Variants in PTPN14 observed in about 807,000 individuals in gnomAD.
PTPN14 encodes the protein tyrosine-protein phosphatase non-receptor type 14.
PTPN14 carries 53 observed loss-of-function variants against 126.8 expected under a neutral mutation model. The observed-to-expected ratio is 0.42, with a 90% CI of 0.34 to 0.53. PTPN14 has a LOEUF of 0.53. PTPN14 is among the 20% of genes least tolerant of loss of function. The pLI, the probability that PTPN14 is intolerant of heterozygous loss-of-function variation, is 0.08. For synonymous variants in PTPN14, 630 were observed against 599.3 expected, an observed-to-expected ratio of 1.05 and a Z score of -0.75; for missense variants, 1,257 against 1,552.9, an observed-to-expected ratio of 0.81 and a Z score of 3.20.
Position 214,383,856 on chromosome 1 carries a change from G to A in PTPN14, c.1999C>T (p.Arg667Cys), listed in dbSNP as rs200868628. 3.1e-6 allele frequency: 5 copies of A among 1,612,716 alleles called. No individual in the cohort carries two copies. The highest frequency in any genetic ancestry group is 4.5e-5 in the East Asian group (2 of 44,866). The change falls in exon 13 of 19, where the codon CGC becomes TGC. Residue 667 changes from arginine to cysteine, a missense_variant. Arg to Cys is a radical substitution (Grantham distance 180). Transcript: ENST00000366956. The surrounding 1 kb of genome is among the most constrained non-coding windows in gnomAD (Gnocchi z 4.4). ...TLKSLHLPMA[R>C]RNTLREQGPP... is the part of the protein sequence containing the mutation. ...CCCTGCTCCCGGAGCGTGTTGCGGC[G>A]AGCCATGGGGAGGTGGAGCGACTTG... is the stretch of plus-strand genomic sequence containing the variant.
At chr1:214,365,583 G>A (rs1201507906) in intron 17 of PTPN14, among the ~76,000 whole-genome samples, 1 of 152,120 alleles carries the variant, frequency 6.6e-6, no homozygotes, top group Non-Finnish European at 1.5e-5. Flanking sequence ...TAAGGCAAAA[G>A]TGTAAACCAG....
chr1:214,522,562 G>C (rs1655286824), intron 1 of PTPN14, among the ~76,000 whole-genome samples: 2 of 152,298 alleles, frequency 1.3e-5, no homozygotes, highest in South Asian at 4.1e-4. Context: ...ATCAGGTTCT[G>C]AAACAAATTC....
rs1249435685 is a variant in PTPN14 at position 214,349,421 on chromosome 1, C to T, written c.*8501G>A. 2 of 152,266 alleles carry T rather than the reference C, an allele frequency of 1.3e-5. No homozygotes were observed. The highest frequency in any genetic ancestry group is 4.8e-5 in the African/African-American group (2 of 41,540). 9.4% of individuals were successfully genotyped at this position (152,266 alleles called of 1,614,324 possible). A position where few individuals can be genotyped will look rare whatever the true frequency, so the allele number is the denominator to read the frequency against. ...CTAAGTTGGGGACTTGTCTGTACAT[C>T]GTTTCAAAATGAAACCTAATAAATG... On this transcript the variant is annotated 3_prime_UTR_variant, in exon 19 of 19. Coordinates refer to ENST00000366956, the MANE Select transcript of PTPN14 (RefSeq NM_005401.5).
At chr1:214,403,139 C>G (rs4636427) in intron 5 of PTPN14, among the ~76,000 whole-genome samples, 186 bp from the exon 6 acceptor site, 114 of 152,148 alleles carry the variant, frequency 7.5e-4, no homozygotes, top group African/African-American at 2.7e-3. Context: ...TGTTATAACA[C>G]GGCTCTCCAT....
At chr1:214,387,649 G>C (rs1195763058) in intron 11 of PTPN14, among the ~76,000 whole-genome samples, 1 of 146,426 alleles carries the variant, frequency 6.8e-6, no homozygotes, top group African/African-American at 2.5e-5. Context: ...CCGCACTCCA[G>C]CCTGGCGACA....
chr1:214,391,166 C>T (rs566029713), intron 10 of PTPN14, 121 bp from the exon 11 acceptor site: 38 of 588,954 alleles, frequency 6.5e-5, no homozygotes, highest in Admixed American at 3.6e-4. Context: ...AAAACATAAA[C>T]GTGGCTTATT....
intron 1 of PTPN14, among the ~76,000 whole-genome samples, chr1:214,497,579 T>C (rs1183293875): frequency 1.3e-5 from 2 of 152,082 alleles, no homozygotes; most frequent in South Asian, 2.1e-4. Flanking sequence ...TTATTTATAA[T>C]ACAGAAAACA....
rs944524574 is a variant in PTPN14, at chr1:214,387,033, G to A, written c.988-111C>T. On this transcript the variant is annotated intron_variant, in intron 11 of 18. Transcript: ENST00000366956. ...CCGCCACGTTGTAAGGGAGGCTCGT[G>A]GCAGCTGCTGTCCCTGCCACCCCTT... 6 of 927,074 alleles carry A rather than the reference G, an allele frequency of 6.5e-6. No individual in the cohort carries two copies. The African/African-American group carries it at 8.2e-5, about 13-fold the overall frequency. 57.4% of individuals were successfully genotyped at this position (927,074 alleles called of 1,614,324 possible).
chr1:214,539,442 C>G (rs1308942419), intron 1 of PTPN14, among the ~76,000 whole-genome samples: 1 of 152,050 alleles, frequency 6.6e-6, no homozygotes, highest in Non-Finnish European at 1.5e-5. Flanking sequence ...AAACCAAGAA[C>G]CAAACAATAA....
chr1:214,472,909 G>A (rs1002326768), intron 1 of PTPN14, among the ~76,000 whole-genome samples: 3 of 152,218 alleles, frequency 2.0e-5, no homozygotes, highest in Admixed American at 2.0e-4. Context: ...AAAAAGTGTT[G>A]TAGTGTGCCC....
At chr1:214,393,929 GA>G in intron 9 of PTPN14, 152 bp from the exon 10 acceptor site, 1 of 664,306 alleles carries the variant, frequency 1.5e-6, no homozygotes. Context: ...CCAGCCTGCT[GA>G]ATTTCAGCAG....
chr1:214,503,472 G>C (rs1329929146), intron 1 of PTPN14, among the ~76,000 whole-genome samples: 1 of 152,110 alleles, frequency 6.6e-6, no homozygotes, highest in Non-Finnish European at 1.5e-5. Context: ...ACATTTGTAA[G>C]ACAAAATAAA....
chr1:214,490,611 C>A (rs1661207497), intron 1 of PTPN14, among the ~76,000 whole-genome samples: 1 of 151,652 alleles, frequency 6.6e-6, no homozygotes, highest in Non-Finnish European at 1.5e-5. Flanking sequence ...CCAAGGCTGG[C>A]AGATCATTTG....
intron 17 of PTPN14, among the ~76,000 whole-genome samples, chr1:214,368,058 A>G (rs1463950741): frequency 6.6e-6 from 1 of 152,222 alleles, no homozygotes; most frequent in Admixed American, 6.5e-5. Context: ...AAAAACTACA[A>G]GAGGGTTTCA....
chr1:214,427,337 T>C (rs1659691430), intron 3 of PTPN14, among the ~76,000 whole-genome samples: 1 of 151,662 alleles, frequency 6.6e-6, no homozygotes, highest in Non-Finnish European at 1.5e-5. Context: ...TCCTATAATT[T>C]GTTAATGTTC....
At position 214,437,919 on chromosome 1, in the gene PTPN14, C is replaced by T. The variant is rs140841624; in HGVS notation, c.344+13886G>A. Among the ~76,000 whole-genome samples, 4 of 152,298 alleles carry T rather than the reference C, an allele frequency of 2.6e-5. No homozygotes were observed. The East Asian group carries it at 7.7e-4, about 29-fold the overall frequency. On this transcript the variant is annotated intron_variant, in intron 3 of 18. Transcript: ENST00000366956. ...GATAAGAATCACCCATGGCAATGATCAAAAACAGATTTTGATTCAGGGAGT... is the reference window on the plus strand; with the variant it reads ...GATAAGAATCACCCATGGCAATGATTAAAAACAGATTTTGATTCAGGGAGT...
intron 18 of PTPN14, among the ~76,000 whole-genome samples, chr1:214,360,027 G>A (rs17786937): frequency 0.094 from 14,298 of 152,164 alleles, 849 homozygotes; most frequent in Middle Eastern, 0.18. Context: ...GGACACATAC[G>A]GCTGGAGCAC....
rs1296996927 is a variant in PTPN14 at position 214,353,644 on chromosome 1, A to G, written c.*4278T>C. On this transcript the variant is annotated 3_prime_UTR_variant, in exon 19 of 19. Transcript: ENST00000366956. ...TGTTCATCGGGAAAGGACAGCAGCT[A>G]AAAACTCCAGAGTGATATGCCTGAT... 6.6e-6 allele frequency: 1 copy of G among 152,246 alleles called. No homozygotes were observed. The highest frequency in any genetic ancestry group is 2.4e-5 in the African/African-American group (1 of 41,460). The allele number at this position is 152,246 out of a possible 1,614,324, so 9.4% of individuals were successfully genotyped here.
At chr1:214,441,032 T>A (rs1660026898) in intron 3 of PTPN14, among the ~76,000 whole-genome samples, 1 of 152,190 alleles carries the variant, frequency 6.6e-6, no homozygotes, top group Non-Finnish European at 1.5e-5. Flanking sequence ...AACTCCCTGT[T>A]ACTCTGATAA....
Sources: gnomAD v4.1 joint callset for allele counts (sites outside exome capture counted in the v4.1 genomes callset) on GRCh38, gnomAD v4.1.1 for gene constraint, Gnocchi (gnomAD v3.1) non-coding constraint, MANE v1.5 for transcripts, NCBI Gene and HGNC (gene_info 2026-07-23, HGNC 2026-07-21) for gene names.